AHNAK2: variants seen among roughly 807,000 people sequenced by gnomAD.
The protein encoded by AHNAK2 is protein AHNAK2.
A neutral mutation model predicts 30.7 loss-of-function variants in AHNAK2; 18 were observed. The ratio of observed to expected loss-of-function variants is 0.59; its 90% confidence interval spans 0.41 to 0.87. The LOEUF (loss-of-function observed/expected upper bound fraction) is 0.87, where lower values mean the gene tolerates loss of function less well. Ranked by LOEUF, AHNAK2 falls within the 40% of genes least tolerant of loss-of-function variation. The pLI, the probability that AHNAK2 is intolerant of heterozygous loss-of-function variation, is 0.00. For synonymous variants in AHNAK2, 3,590 were observed against 3,073.8 expected (o/e 1.17, Z -5.56); for missense variants, 8,604 against 7,373.0 (o/e 1.17, Z -6.11).
chr14:104,956,444 G>A (rs1898976860), intron 4 of AHNAK2, 144 bp downstream of exon 4: 6 of 756,154 alleles, frequency 7.9e-6, no homozygotes, highest in Non-Finnish European at 1.3e-5. Flanking sequence ...TGACAAGGGG[G>A]ACAAGAACAC....
At chr14:104,956,867 T>G (rs141869946) in intron 3 of AHNAK2, among the ~76,000 whole-genome samples, 178 bp from the exon 4 acceptor site, 1 of 152,020 alleles carries the variant, frequency 6.6e-6, no homozygotes, top group East Asian at 1.9e-4. Flanking sequence ...AAAAGGCAAC[T>G]CTCGGCCTTC....
At position 104,954,040 on chromosome 14, in the gene AHNAK2, T is replaced by C. The variant is rs1898890093; in HGVS notation, c.1411A>G (p.Thr471Ala). 6.2e-7 allele frequency: 1 copy of C among 1,613,508 alleles called. No homozygotes were observed. The highest frequency in any genetic ancestry group is 8.5e-7 in the Non-Finnish European group (1 of 1,179,838). Residue 471 changes from threonine to alanine, a missense_variant, in exon 7 of 7, where the codon ACC (threonine) becomes GCC (alanine). Physicochemically the swap from Thr to Ala is moderately conservative, Grantham distance 58. Transcript: ENST00000333244. The surrounding 1 kb of genome is among the most constrained non-coding windows in gnomAD (Gnocchi z 4.3). ...GGGCCAATCTGTGTGCCTCCTTCGG[T>C]TGTGTCTCTCAAGGACAGTCTGGCG... ...GIARLSLRDT[T>A]EGGTQIGPPE...
chr14:104,976,885 T>C (rs1378986301), intron 1 of AHNAK2, among the ~76,000 whole-genome samples: 1 of 152,062 alleles, frequency 6.6e-6, no homozygotes, highest in Non-Finnish European at 1.5e-5. Flanking sequence ...CCTGCAGCCA[T>C]GTGGGCAGGG....
Position 104,950,576 on chromosome 14 carries a change from C to A in AHNAK2, c.4875G>T (p.Glu1625Asp), listed in dbSNP as rs1431531919. ...PDVKMSLSSM[E>D]VDVQAPRAKL... ...TTGCTCTCGGGGCCTGGACGTCCAC[C>A]TCCATGCTGGACAGAGACATCTTCA... The change falls in exon 7 of 7, where the codon GAG becomes GAT. Residue 1625 changes from glutamate to aspartate, a missense_variant. Glu to Asp is a conservative substitution (Grantham distance 45). Coordinates refer to ENST00000333244, the MANE Select transcript of AHNAK2 (RefSeq NM_138420.4). 1 of 1,587,440 alleles carries A rather than the reference C, an allele frequency of 6.3e-7. No homozygotes were observed. Among genetic ancestry groups the A allele is most frequent in the Admixed American group, 1.7e-5 (1 of 57,524 alleles).
rs1368448144 is a variant in AHNAK2, at chr14:104,938,606, G to A, written c.16845C>T (p.Pro5615=). Residue 5615 remains proline (P), a synonymous_variant, in exon 7 of 7, where the codon CCC becomes CCT. Transcript: ENST00000333244. ...TGGTTGCCTCTTGGCTATCATCAGGGGGAAACTCAAGAATTTCTGCTGGCT... is the reference window on the plus strand; with the variant it reads ...TGGTTGCCTCTTGGCTATCATCAGGAGGAAACTCAAGAATTTCTGCTGGCT... ...DEEPAEILEF[P]PDDSQEATTP... is the part of the protein sequence containing the mutation. 3.1e-6 allele frequency: 5 copies of A among 1,612,894 alleles called. No individual in the cohort carries two copies. The highest frequency in any genetic ancestry group is 1.3e-5 in the African/African-American group (1 of 74,904).
rs1239446933 is a variant in AHNAK2, at chr14:104,940,068, G to A, written c.15383C>T (p.Ser5128Phe). 1.4e-5 allele frequency: 23 copies of A among 1,611,572 alleles called. No individual in the cohort carries two copies. Among genetic ancestry groups the A allele is most frequent in the Non-Finnish European group, 1.8e-5 (21 of 1,178,504 alleles). The change falls in exon 7 of 7, where the codon TCT becomes TTT. Residue 5128 changes from serine (S) to phenylalanine (F), a missense_variant. Ser to Phe is a radical substitution (Grantham distance 155). Transcript: ENST00000333244. This position sits in a 1 kb window ranked among gnomAD's most constrained non-coding sequence, Gnocchi z 4.4. ...ACATCCTCTGCTGTCACCTTCGGTA[G>A]ACAGATCATGTTTGGGAAGAGGCAG... Reference protein sequence around the residue: ...ADLPLPKHDLSTEGDSRGCGL... With the variant: ...ADLPLPKHDLFTEGDSRGCGL...
In AHNAK2 at chr14:104,949,897, T is replaced by A; in HGVS notation, c.5554A>T (p.Lys1852Ter). 1 of 1,588,484 alleles carries A rather than the reference T, an allele frequency of 6.3e-7. No individual in the cohort carries two copies. Among genetic ancestry groups the A allele is most frequent in the Non-Finnish European group, 8.6e-7 (1 of 1,163,424 alleles). ...IEASVDVSAP[K>*]VEAEVSLPSM... ...GGGAGGCTCACTTCGGCCTCCACCTTCGGCGCAGACACATCCACCGAGGCC... is the reference window on the plus strand; with the variant it reads ...GGGAGGCTCACTTCGGCCTCCACCTACGGCGCAGACACATCCACCGAGGCC... The change falls in exon 7 of 7, where the codon AAG (lysine) becomes TAG (stop). Residue 1852 changes from lysine to a stop codon, truncating the protein, a stop_gained. Transcript: ENST00000333244. LOFTEE classifies it low-confidence loss of function (END_TRUNC).
At chr14:104,975,489 C>A (rs545411280) in intron 1 of AHNAK2, among the ~76,000 whole-genome samples, 1 of 132,202 alleles carries the variant, frequency 7.6e-6, no homozygotes, top group Non-Finnish European at 1.5e-5. Flanking sequence ...CCCTCTGCTG[C>A]CTCCTCCTCA....
rs758518656 is a variant in AHNAK2, at chr14:104,954,186, T to G, written c.1265A>C (p.Lys422Thr). ...GGLRAARLHG[K>T]TLEGQAQETA... ...CTCCTGTGCCTGCCCCTCCAGGGTC[T>G]TTCCATGGAGCCTGGCTGCCCTGAG... The change falls in exon 7 of 7, where the codon AAG becomes ACG. Residue 422 changes from lysine to threonine, a missense_variant. Physicochemically the swap from Lys to Thr is moderately conservative, Grantham distance 78. Transcript: ENST00000333244. This position sits in a 1 kb window ranked among gnomAD's most constrained non-coding sequence, Gnocchi z 4.3. 1.2e-6 allele frequency: 2 copies of G among 1,610,272 alleles called. No homozygotes were observed. The highest frequency in any genetic ancestry group is 2.2e-5 in the South Asian group (2 of 91,074).
At position 104,946,418 on chromosome 14, in the gene AHNAK2, T is replaced by C. The variant is rs75452303; in HGVS notation, c.9033A>G (p.Glu3011=). 103 of 1,607,106 alleles carry C rather than the reference T, an allele frequency of 6.4e-5. 2 individuals carry two copies. The African/African-American group carries it at 1.2e-3, about 18-fold the overall frequency. The change falls in exon 7 of 7, where the codon GAA becomes GAG. Residue 3011 remains glutamate, a synonymous_variant. Transcript: ENST00000333244. ...VDVSAPKVEA[E]VSLPSMQGDL... Reference sequence around the variant, plus strand: ...CCCCCTGCATGGAGGGGAGGCTCACTTCGGCCTCCACCTTCGGCGCAGACA... The same window carrying C: ...CCCCCTGCATGGAGGGGAGGCTCACCTCGGCCTCCACCTTCGGCGCAGACA...
In AHNAK2 at chr14:104,943,392, G is replaced by A. The variant is rs201339208; in HGVS notation, c.12059C>T (p.Pro4020Leu). The change falls in exon 7 of 7, where the codon CCC (proline) becomes CTC (leucine). Residue 4020 changes from proline (P) to leucine (L), a missense_variant. Coordinates refer to ENST00000333244, the MANE Select transcript of AHNAK2 (RefSeq NM_138420.4). ...DLKATDLSVQ[P>L]PSADLEVQAG... The stretch of plus-strand genomic sequence containing the variant: ...CTGGACCTCCAGGTCAGCGGAAGGG[G>A]GCTGAACGCTGAGGTCAGTGGCCTT... The A allele has an allele frequency of 8.1e-5, 131 of 1,613,148 alleles. 1 individual carries two copies. The highest frequency in any genetic ancestry group is 5.2e-4 in the Admixed American group (31 of 59,992).
rs200269752 is a variant in AHNAK2 at position 104,941,569 on chromosome 14, A to G, written c.13882T>C (p.Phe4628Leu). 1,379 of 1,612,970 alleles carry G rather than the reference A, an allele frequency of 8.5e-4. 1 individual carries two copies. The highest frequency in any genetic ancestry group is 1.1e-3 in the Non-Finnish European group (1,306 of 1,179,864). Residue 4628 changes from phenylalanine to leucine, a missense_variant, in exon 7 of 7, where the codon TTT becomes CTT. Transcript: ENST00000333244. ...GACGTGCTCAGTTTTGGTCCTTGAAACTTACTGTCTTTCCCAGCTACATCC... is the reference window on the plus strand; with the variant it reads ...GACGTGCTCAGTTTTGGTCCTTGAAGCTTACTGTCTTTCCCAGCTACATCC... The part of the protein sequence containing the change: ...HEDVAGKDSK[F>L]QGPKLSTSGF...
Position 104,946,237 on chromosome 14 carries a change from G to A in AHNAK2, c.9214C>T (p.Pro3072Ser), listed in dbSNP as rs777421357. 1.2e-6 allele frequency: 2 copies of A among 1,607,288 alleles called. No individual in the cohort carries two copies. The highest frequency in any genetic ancestry group is 2.2e-5 in the East Asian group (1 of 44,502). Reference protein sequence around the residue: ...PKLQMPSFKMPKVDRKGPQID... With the variant: ...PKLQMPSFKMSKVDRKGPQID... ...TGGGGTCCCTTGCGATCTACTTTGG[G>A]CATCTTGAAACTGGGCATCTGCAAC... Residue 3072 changes from proline to serine, a missense_variant, in exon 7 of 7, where the codon CCC becomes TCC. Physicochemically the swap from Pro to Ser is moderately conservative, Grantham distance 74. Coordinates refer to ENST00000333244, the MANE Select transcript of AHNAK2 (RefSeq NM_138420.4).
chr14:104,963,570 C>T (rs1899209306), intron 1 of AHNAK2, among the ~76,000 whole-genome samples: 2 of 152,242 alleles, frequency 1.3e-5, no homozygotes, highest in South Asian at 2.1e-4. Context: ...GTGGCTCACG[C>T]CTGTAATCCC....
rs1252218863 is a variant in AHNAK2 at position 104,978,112 on chromosome 14, G to T, written c.55+71C>A. 10 of 1,168,086 alleles carry T rather than the reference G, an allele frequency of 8.6e-6. No homozygotes were observed. The East Asian group carries it at 2.1e-4, about 24-fold the overall frequency. 72.4% of individuals were successfully genotyped at this position (1,168,086 alleles called of 1,614,324 possible). On this transcript the variant is annotated intron_variant, in intron 1 of 6. Transcript: ENST00000333244. ...GCCCGCACTGCGCGCCCCTGGACAC[G>T]CCCCGGCGCGCGCCCTCGCGCGTAG...
Position 104,950,486 on chromosome 14 carries a change from G to A in AHNAK2, c.4965C>T (p.Asp1655=), listed in dbSNP as rs2582504. 108,675 of 1,585,972 alleles carry A rather than the reference G, an allele frequency of 0.069. 15,488 individuals are homozygous for A. The highest frequency in any genetic ancestry group is 0.27 in the East Asian group (11,933 of 44,124). Residue 1655 remains aspartate (D), a synonymous_variant, in exon 7 of 7, where the codon GAC becomes GAT. Coordinates refer to ENST00000333244, the MANE Select transcript of AHNAK2 (RefSeq NM_138420.4). ...TGAACTTGGGCATTTTGAACTTGCT[G>A]TCTTTGGCAGTCACCGCCTTGTCGG... is the stretch of plus-strand genomic sequence containing the variant. The part of the protein sequence containing the change: ...SLADKAVTAK[D]SKFKMPKFKM...
Position 104,940,289 on chromosome 14 carries a change from T to G in AHNAK2, c.15162A>C (p.Ala5054=). Residue 5054 remains alanine, a synonymous_variant, in exon 7 of 7, where the codon GCA becomes GCC. Coordinates refer to ENST00000333244, the MANE Select transcript of AHNAK2 (RefSeq NM_138420.4). The surrounding 1 kb of genome is among the most constrained non-coding windows in gnomAD (Gnocchi z 4.4). ...TTTCTGTGTCTTGAAAGCTACCCCC[T>G]GCTGTGGCACTAGAAAGGGAAGGAT... ...DVDPSLSSAT[A]GGSFQDTEKA... 1 of 1,613,720 alleles carries G rather than the reference T, an allele frequency of 6.2e-7. No homozygotes were observed.
Position 104,947,860 on chromosome 14 carries a change from G to T in AHNAK2, c.7591C>A (p.Leu2531Ile), listed in dbSNP as rs765115796. ...SMQGDLKATDLSIQPPSADLE... is the reference protein window; with the variant it reads ...SMQGDLKATDISIQPPSADLE... ...TCAGCGGAAGGGGGCTGAATGCTGA[G>T]GTCAGTGGCCTTGAGGTCCCCCTGC... Residue 2531 changes from leucine (L) to isoleucine (I), a missense_variant, in exon 7 of 7, where the codon CTC becomes ATC. Coordinates refer to ENST00000333244, the MANE Select transcript of AHNAK2 (RefSeq NM_138420.4). 4.3e-6 allele frequency: 7 copies of T among 1,611,450 alleles called. No individual in the cohort carries two copies. Among genetic ancestry groups the T allele is most frequent in the East Asian group, 2.2e-5 (1 of 44,596 alleles).
In AHNAK2 at chr14:104,943,013, C is replaced by T. The variant is rs747734671; in HGVS notation, c.12438G>A (p.Ser4146=). ...PKFKMPSFGV[S]APGKSMEASV... The stretch of plus-strand genomic sequence containing the variant: ...ACGCCTCCATGGACTTGCCTGGGGC[C>T]GACACCCCGAATGATGGCATCTTGA... Residue 4146 remains serine (S), a synonymous_variant, in exon 7 of 7, where the codon TCG becomes TCA. Coordinates refer to ENST00000333244, the MANE Select transcript of AHNAK2 (RefSeq NM_138420.4). 4.6e-5 allele frequency: 74 copies of T among 1,607,602 alleles called. No homozygotes were observed. In the Middle Eastern group the frequency reaches 8.3e-4, roughly 18 times the overall value.
Sources: gnomAD v4.1 joint callset for allele counts (sites outside exome capture counted in the v4.1 genomes callset) on GRCh38, gnomAD v4.1.1 for gene constraint, Gnocchi (gnomAD v3.1) non-coding constraint, MANE v1.5 for transcripts, NCBI Gene and HGNC (gene_info 2026-07-23, HGNC 2026-07-21) for gene names.